Variants in SEMA4D observed in about 807,000 individuals in gnomAD.
SEMA4D encodes the protein semaphorin-4D.
SEMA4D carries 22 observed loss-of-function variants against 74.8 expected under a neutral mutation model. The observed-to-expected ratio is 0.29, with a 90% CI of 0.21 to 0.42. The LOEUF is 0.42. Ranked by LOEUF, SEMA4D falls within the 10% of genes least tolerant of loss-of-function variation. The pLI is 1.00. For missense variants in SEMA4D, 937 were observed against 1,118.4 expected (o/e 0.84, Z 2.31); for synonymous variants, 445 against 463.7 (o/e 0.96, Z 0.52).
chr9:89,411,872 G>C (rs1019848138), intron 2 of SEMA4D, among the ~76,000 whole-genome samples: 1 of 152,232 alleles, frequency 6.6e-6, no homozygotes, highest in African/African-American at 2.4e-5. Context: ...GTGCTGGGCA[G>C]TGGCACAGGA....
At chr9:89,432,319 C>A (rs1357075756) in intron 2 of SEMA4D, among the ~76,000 whole-genome samples, 5 of 152,174 alleles carry the variant, frequency 3.3e-5, no homozygotes, top group African/African-American at 9.7e-5. Context: ...GGAACTGTAA[C>A]CCTGACTAAG....
At chr9:89,479,452 C>T (rs1862611059) in intron 1 of SEMA4D, 2 of 155,932 alleles carry the variant, frequency 1.3e-5, no homozygotes, top group East Asian at 1.9e-4. Context: ...GGCAGCCTCA[C>T]CCTCAAGATC....
At chr9:89,371,108 T>TG (rs1386078756) in intron 16 of SEMA4D, among the ~76,000 whole-genome samples, 2 of 6,924 alleles carry the variant, frequency 2.9e-4, no homozygotes. Flanking sequence ...ATAAGGTGTG[T>TG]GTGGGGGGGT....
chr9:89,457,091 C>T (rs370644050), intron 1 of SEMA4D, among the ~76,000 whole-genome samples: 3 of 152,258 alleles, frequency 2.0e-5, no homozygotes, highest in South Asian at 4.1e-4. Context: ...AAAAGCTGTT[C>T]GATGTCATTA....
chr9:89,388,654 G>C lies in SEMA4D; in HGVS notation c.1089C>G (p.Pro363=), dbSNP rs2133089171. The C allele has an allele frequency of 6.2e-7, 1 of 1,600,558 alleles. No homozygotes were observed. The highest frequency in any genetic ancestry group is 1.7e-4 in the Middle Eastern group (1 of 6,028). Reference sequence around the variant, plus strand: ...AGCTCACCGCTCCAGGCCGCGGCTTGGGTACCGGGCCATTATAGCGCACCC... The same window carrying C: ...AGCTCACCGCTCCAGGCCGCGGCTTCGGTACCGGGCCATTATAGCGCACCC... The part of the protein sequence containing the change: ...TKWVRYNGPV[P]KPRPGACIDS... Residue 363 remains proline (P), a synonymous_variant, in exon 11 of 16, where the codon CCC becomes CCG. Coordinates refer to ENST00000422704, the MANE Select transcript of SEMA4D (RefSeq NM_001371194.2).
intron 1 of SEMA4D, among the ~76,000 whole-genome samples, chr9:89,458,968 C>A (rs1856621892): frequency 6.6e-6 from 1 of 152,176 alleles, no homozygotes; most frequent in Non-Finnish European, 1.5e-5. Flanking sequence ...CACACATGTG[C>A]CTACACACAT....
chr9:89,418,186 A>C, intron 2 of SEMA4D: 4 of 821,484 alleles, frequency 4.9e-6, no homozygotes, highest in Non-Finnish European at 5.9e-6. Flanking sequence ...ACTCAGCAAC[A>C]CTCCTAGAAA....
chr9:89,449,942 T>C, intron 2 of SEMA4D: 2 of 1,501,748 alleles, frequency 1.3e-6, no homozygotes, highest in South Asian at 2.3e-5. Context: ...TTCTGACTGA[T>C]GTAGCTCAGG....
At chr9:89,420,112 G>T (rs1846585514) in intron 2 of SEMA4D, among the ~76,000 whole-genome samples, 2 of 152,142 alleles carry the variant, frequency 1.3e-5, no homozygotes, top group Non-Finnish European at 2.9e-5. Flanking sequence ...AACTCCACCT[G>T]AACACCAGCA....
At position 89,378,768 on chromosome 9, in the gene SEMA4D, C is replaced by T. The variant is rs1174605309; in HGVS notation, c.2525G>A (p.Arg842Lys). The T allele has an allele frequency of 1.9e-6, 3 of 1,614,208 alleles. No homozygotes were observed. The highest frequency in any genetic ancestry group is 2.5e-6 in the Non-Finnish European group (3 of 1,180,036). The change falls in exon 16 of 16, where the codon AGG becomes AAG. Residue 842 changes from arginine (R) to lysine (K), a missense_variant. Physicochemically the swap from Arg to Lys is conservative, Grantham distance 26. Coordinates refer to ENST00000422704, the MANE Select transcript of SEMA4D (RefSeq NM_001371194.2). ...DSQRIDDLSA[R>K]DKPFDVKCEL... ...ACACTTGACGTCAAAGGGCTTGTCC[C>T]TGGCAGAAAGGTCGTCGATCCTCTG...
downstream of SEMA4D, chr9:89,376,602 A>T (rs1042291925): frequency 5.5e-6 from 3 of 541,258 alleles, no homozygotes; most frequent in Non-Finnish European, 9.5e-6. Context: ...CCCTTTACAG[A>T]AAACACTGGT....
At position 89,475,827 on chromosome 9, in the gene SEMA4D, A is replaced by T. The variant is rs543494934; in HGVS notation, c.-309-19874T>A. ...TGATATGACCATGGCTTGCACAAAT[A>T]TTTTTTTTCCCAGAAAAAGAAAATA... On this transcript the variant is annotated intron_variant, in intron 1 of 15. Coordinates refer to ENST00000422704, the MANE Select transcript of SEMA4D (RefSeq NM_001371194.2). Among the ~76,000 whole-genome samples, 478 of 152,056 alleles carry T rather than the reference A, an allele frequency of 3.1e-3. 4 individuals are homozygous for T. The highest frequency in any genetic ancestry group is 2.6e-3 in the Non-Finnish European group (178 of 67,968).
At chr9:89,493,877 G>A (rs143917504) in intron 1 of SEMA4D, among the ~76,000 whole-genome samples, 15 of 152,340 alleles carry the variant, frequency 9.8e-5, no homozygotes, top group African/African-American at 2.6e-4. Flanking sequence ...CCCCTCTGGC[G>A]CAGGCTCCAG....
chr9:89,362,455 C>A, intron 18 of SEMA4D: 3 of 1,613,990 alleles, frequency 1.9e-6, no homozygotes, highest in Non-Finnish European at 2.5e-6. Context: ...GTCTTTGAAT[C>A]CTTGGTGGAA....
intron 2 of SEMA4D, among the ~76,000 whole-genome samples, chr9:89,437,710 G>A (rs1300393135): frequency 5.3e-5 from 8 of 152,238 alleles, no homozygotes; most frequent in Non-Finnish European, 1.2e-4. Context: ...GGTGCTAAAG[G>A]AAGGTAGCAA....
At chr9:89,474,498 C>T (rs570443301) in intron 1 of SEMA4D, among the ~76,000 whole-genome samples, 56 of 152,372 alleles carry the variant, frequency 3.7e-4, no homozygotes, top group African/African-American at 1.3e-3. Flanking sequence ...ACTGCGTTTA[C>T]ATGAGTTTTT....
At chr9:89,372,031 T>G (rs1232022000) in intron 16 of SEMA4D, among the ~76,000 whole-genome samples, 1 of 86,998 alleles carries the variant, frequency 1.1e-5, no homozygotes, top group African/African-American at 5.1e-5. Flanking sequence ...GGGTGTGGTG[T>G]GTGTTGGGGT....
At position 89,378,541 on chromosome 9, in the gene SEMA4D, C is replaced by T. The variant is rs1836235491; in HGVS notation, c.*163G>A. Reference sequence around the variant, plus strand: ...GGACAAAGAGAAACCAAGTCACAGGCTCAACCCAAGAGAAAATAGACAAGA... The same window carrying T: ...GGACAAAGAGAAACCAAGTCACAGGTTCAACCCAAGAGAAAATAGACAAGA... On this transcript the variant is annotated 3_prime_UTR_variant, in exon 16 of 16. Transcript: ENST00000422704. 5.0e-6 allele frequency: 3 copies of T among 602,604 alleles called. No individual in the cohort carries two copies. Among genetic ancestry groups the T allele is most frequent in the South Asian group, 2.1e-5 (1 of 48,326 alleles). The allele number at this position is 602,604 out of a possible 1,614,324, so 37.3% of individuals were successfully genotyped here.
chr9:89,413,862 GTA>G (rs765577778), intron 2 of SEMA4D, among the ~76,000 whole-genome samples: 13 of 152,350 alleles, frequency 8.5e-5, no homozygotes, highest in East Asian at 7.7e-4. Context: ...GCGCATCTGT[GTA>G]TGTGTACGCA....
Sources: allele counts gnomAD v4.1 joint callset (sites outside exome capture counted in the v4.1 genomes callset), GRCh38; gene constraint gnomAD v4.1.1; transcripts MANE v1.5; gene names NCBI Gene and HGNC (gene_info 2026-07-23, HGNC 2026-07-21).